The following GABRG3 variants were observed in gnomAD, a reference collection of about 807,000 sequenced individuals.
GABRG3 encodes gamma-aminobutyric acid type A receptor subunit gamma3, also known as gamma-aminobutyric acid receptor subunit gamma-3.
A neutral mutation model predicts 48.8 loss-of-function variants in GABRG3; 25 were observed. The observed-to-expected ratio is 0.51, with a 90% CI of 0.37 to 0.72. GABRG3 has a LOEUF of 0.72. Among genes scored for constraint, GABRG3 ranks in the 30% least tolerant of loss-of-function variants. The probability of loss-of-function intolerance (pLI) is 0.00; values close to 1 mark genes in which losing one functional copy is unlikely to be tolerated. For missense variants in GABRG3, 394 were observed against 577.9 expected (o/e 0.68, Z 3.26); for synonymous variants, 227 against 217.6 (o/e 1.04, Z -0.38).
intron 3 of GABRG3, among the ~76,000 whole-genome samples, chr15:27,129,014 G>A (rs1292145530): frequency 3.3e-5 from 5 of 152,128 alleles, no homozygotes; most frequent in African/African-American, 1.2e-4. Context: ...TTGGAGGTTT[G>A]GGAAATTTGG....
At chr15:27,264,912 C>T (rs1457194260) in intron 3 of GABRG3, among the ~76,000 whole-genome samples, 1 of 151,904 alleles carries the variant, frequency 6.6e-6, no homozygotes, top group East Asian at 1.9e-4. Flanking sequence ...TCTTTTATAC[C>T]TTATAAAAAT....
chr15:27,397,427 T>C (rs985116705), intron 5 of GABRG3, among the ~76,000 whole-genome samples: 30 of 152,320 alleles, frequency 2.0e-4, no homozygotes, highest in African/African-American at 7.2e-4. Context: ...TATGTGGCTT[T>C]CAGGCAATAT....
At chr15:27,209,003 A>T (rs1888976669) in intron 3 of GABRG3, among the ~76,000 whole-genome samples, 1 of 152,228 alleles carries the variant, frequency 6.6e-6, no homozygotes, top group Admixed American at 6.5e-5. Context: ...TGATTCCCTG[A>T]GCCTGGCGGA....
At chr15:27,221,431 GA>G (rs1248385528) in intron 3 of GABRG3, among the ~76,000 whole-genome samples, 2 of 151,856 alleles carry the variant, frequency 1.3e-5, no homozygotes. Context: ...GAGGAAATTA[GA>G]AAACAAAAAC....
intron 6 of GABRG3, among the ~76,000 whole-genome samples, chr15:27,493,560 G>A (rs933788712): frequency 3.9e-5 from 6 of 152,076 alleles, no homozygotes; most frequent in African/African-American, 1.4e-4. Context: ...AAACAAGTGG[G>A]TTTTTTAATC....
At chr15:27,374,289 T>C (rs1268501836) in intron 5 of GABRG3, among the ~76,000 whole-genome samples, 2 of 151,914 alleles carry the variant, frequency 1.3e-5, no homozygotes, top group African/African-American at 4.8e-5. Context: ...TGCACCACCA[T>C]GCCTGGCTAA....
intron 3 of GABRG3, among the ~76,000 whole-genome samples, chr15:27,216,706 T>A (rs988997439): frequency 2.0e-5 from 3 of 152,002 alleles, no homozygotes; most frequent in African/African-American, 7.2e-5. Flanking sequence ...GGCTTTAAAC[T>A]TGCCATTACT....
At chr15:27,217,767 CA>C (rs1229907703) in intron 3 of GABRG3, among the ~76,000 whole-genome samples, 3 of 152,182 alleles carry the variant, frequency 2.0e-5, no homozygotes, top group Non-Finnish European at 4.4e-5. Context: ...CACATAGTGT[CA>C]AAAAGAGGAC....
chr15:27,454,546 T>A (rs1457940381), intron 5 of GABRG3, among the ~76,000 whole-genome samples: 1 of 152,186 alleles, frequency 6.6e-6, no homozygotes, highest in African/African-American at 2.4e-5. Flanking sequence ...AGGCGCCTCA[T>A]GACTCAGTAA....
chr15:27,454,552 A>C (rs1434793945), intron 5 of GABRG3, among the ~76,000 whole-genome samples: 5 of 152,336 alleles, frequency 3.3e-5, no homozygotes, highest in East Asian at 3.9e-4. Context: ...CTCATGACTC[A>C]GTAATGCATC....
At chr15:27,102,774 A>G (rs563881399) in intron 3 of GABRG3, among the ~76,000 whole-genome samples, 23 of 152,316 alleles carry the variant, frequency 1.5e-4, no homozygotes, top group African/African-American at 5.3e-4. Flanking sequence ...AATAACCACT[A>G]AATGTCATGT....
At chr15:27,348,143 G>A (rs548295294) in intron 5 of GABRG3, among the ~76,000 whole-genome samples, 30 of 34,392 alleles carry the variant, frequency 8.7e-4, no homozygotes, top group African/African-American at 5.7e-3. Flanking sequence ...GTGACAGAGC[G>A]AGACTCCATC....
chr15:27,373,628 T>C (rs1895486476), intron 5 of GABRG3, among the ~76,000 whole-genome samples: 1 of 152,226 alleles, frequency 6.6e-6, no homozygotes, highest in Non-Finnish European at 1.5e-5. Flanking sequence ...TAGCACTTAA[T>C]TATATTAATG....
chr15:27,061,545 C>T (rs543364709), intron 3 of GABRG3, among the ~76,000 whole-genome samples: 6 of 150,562 alleles, frequency 4.0e-5, no homozygotes, highest in African/African-American at 1.2e-4. Context: ...ATGATTTAAA[C>T]TGTCTCAAGT....
rs577022562 is a variant in GABRG3 at position 27,532,496 on chromosome 15, TTATCTA to T, written c.1123-101_1123-96del. On this transcript the variant is annotated intron_variant, in intron 9 of 9. Transcript: ENST00000615808. Reference sequence around the variant, plus strand: ...GGAAGGGCACACCCACGCATCCTCTTTATCTATAGGAGACAGATGTAATATGGACCT... The same window carrying T: ...GGAAGGGCACACCCACGCATCCTCTTTAGGAGACAGATGTAATATGGACCT... 552 of 1,103,712 alleles carry T rather than the reference TTATCTA, an allele frequency of 5.0e-4. 5 individuals carry two copies. The African/African-American group carries it at 8.4e-3, about 17-fold the overall frequency. The allele number at this position is 1,103,712 out of a possible 1,614,324, so 68.4% of individuals were successfully genotyped here.
chr15:27,128,652 A>T (rs1358356219), intron 3 of GABRG3, among the ~76,000 whole-genome samples: 2 of 152,216 alleles, frequency 1.3e-5, no homozygotes, highest in African/African-American at 2.4e-5. Context: ...GAACAATTTG[A>T]CACAGTTGTT....
intron 3 of GABRG3, among the ~76,000 whole-genome samples, chr15:27,112,124 C>T (rs1489220814): frequency 6.6e-6 from 1 of 152,122 alleles, no homozygotes; most frequent in Admixed American, 6.5e-5. Context: ...ACTCAGCCTC[C>T]AGCAAGTCAT....
chr15:27,179,466 T>A lies in GABRG3; in HGVS notation c.271-147343T>A, dbSNP rs773944131. On this transcript the variant is annotated intron_variant, in intron 3 of 9. Transcript: ENST00000615808. The surrounding 1 kb of genome is among the most constrained non-coding windows in gnomAD (Gnocchi z 4.0). Reference sequence around the variant, plus strand: ...TTGTTTGCATAAAATCTTCCCCTGATTTTTGTGATACAATTTCGCTGGCTT... The same window carrying A: ...TTGTTTGCATAAAATCTTCCCCTGAATTTTGTGATACAATTTCGCTGGCTT... Among the ~76,000 whole-genome samples the A allele has an allele frequency of 6.6e-6, 1 of 152,202 alleles. No individual in the cohort carries two copies. The highest frequency in any genetic ancestry group is 1.5e-5 in the Non-Finnish European group (1 of 68,034).
chr15:27,274,614 A>T (rs886517207), intron 3 of GABRG3, among the ~76,000 whole-genome samples: 1 of 152,106 alleles, frequency 6.6e-6, no homozygotes, highest in African/African-American at 2.4e-5. Context: ...CACACTGGGG[A>T]TCAAATTTCA....
Sources: gnomAD v4.1 joint callset for allele counts (sites outside exome capture counted in the v4.1 genomes callset) on GRCh38, gnomAD v4.1.1 for gene constraint, Gnocchi (gnomAD v3.1) non-coding constraint, MANE v1.5 for transcripts, NCBI Gene and HGNC (gene_info 2026-07-23, HGNC 2026-07-21) for gene names.